LIPJ: variants seen among roughly 807,000 people sequenced by gnomAD.
LIPJ encodes lipase family member J, also known as lipase member J.
Under a neutral mutation model 39.8 loss-of-function variants are expected in LIPJ, and 33 were observed. The ratio of observed to expected loss-of-function variants is 0.83; its 90% CI spans 0.63 to 1.11. The LOEUF is 1.11. Among genes scored for constraint, LIPJ ranks in the 50% least tolerant of loss-of-function variants. LIPJ has a pLI of 0.00. For synonymous variants in LIPJ, 128 were observed against 139.2 expected (o/e 0.92, Z 0.57); for missense variants, 422 against 427.9 (o/e 0.99, Z 0.12).
chr10:88,620,676 C>A, the LIPJ span, among the ~76,000 whole-genome samples: 6 of 152,150 alleles, frequency 3.9e-5, no homozygotes, highest in African/African-American at 1.4e-4. Flanking sequence ...GCAGCTGGAG[C>A]TCTCTTACAT....
downstream of LIPJ, among the ~76,000 whole-genome samples, chr10:88,608,785 G>T (rs1851716110): frequency 6.6e-6 from 1 of 152,166 alleles, no homozygotes; most frequent in Non-Finnish European, 1.5e-5. Flanking sequence ...GGATCCTAAG[G>T]ACTTCCTAGA....
At chr10:88,583,302 G>A, upstream of LIPJ, 2 of 1,477,618 alleles carry the variant, frequency 1.4e-6, no homozygotes, top group South Asian at 1.4e-5. Flanking sequence ...CGTGCTCCCT[G>A]GGCCGACCTG....
At chr10:88,599,961 T>A (rs1344831637) in intron 8 of LIPJ, among the ~76,000 whole-genome samples, 1 of 151,992 alleles carries the variant, frequency 6.6e-6, no homozygotes, top group Non-Finnish European at 1.5e-5. Context: ...TATCTGGTAT[T>A]CTTTTTATTT....
rs546279321 is a variant in LIPJ at position 88,588,462 on chromosome 10, A to C, written c.-104+1070A>C. ...CTGCATATTGATTCATGTTAGAAAA[A>C]TGTGTAAATCATTATTATTGAATTG... is the stretch of plus-strand genomic sequence containing the variant. On this transcript the variant is annotated intron_variant, in intron 2 of 10. Transcript: ENST00000371939. Among the ~76,000 whole-genome samples, 33 of 152,010 alleles carry C rather than the reference A, an allele frequency of 2.2e-4. 1 individual carries two copies. The South Asian group carries it at 6.4e-3, about 30-fold the overall frequency.
At chr10:88,622,914 A>G in the LIPJ span, among the ~76,000 whole-genome samples, 1 of 152,184 alleles carries the variant, frequency 6.6e-6, no homozygotes, top group Non-Finnish European at 1.5e-5. Flanking sequence ...AATCCAGATG[A>G]GAGCTGATGG....
At chr10:88,612,469 T>C in the LIPJ span, among the ~76,000 whole-genome samples, 1 of 152,082 alleles carries the variant, frequency 6.6e-6, no homozygotes, top group Non-Finnish European at 1.5e-5. Context: ...ACCAAATTTC[T>C]CCTGTCTTCA....
chr10:88,596,163 T>G, intron 6 of LIPJ, 117 bp from the exon 7 acceptor site: 1 of 639,618 alleles, frequency 1.6e-6, no homozygotes, highest in East Asian at 3.5e-5. Flanking sequence ...AATTAAGAAA[T>G]AAGTTAATTG....
Position 88,594,139 on chromosome 10 carries a change from T to C in LIPJ, c.324T>C (p.Ala108=), listed in dbSNP as rs770425778. Residue 108 remains alanine, a synonymous_variant, in exon 5 of 11, where the codon GCT becomes GCC. Coordinates refer to ENST00000371939, the Ensembl canonical transcript of LIPJ. ...AAACGAGTTCCAAAGAATTCTGGGC[T>C]TTCAGGTACAAATAAAATGAAGTAA... The C allele has an allele frequency of 4.4e-6, 7 of 1,606,334 alleles. No individual in the cohort carries two copies. In the Admixed American group the frequency reaches 1.0e-4, roughly 23 times the overall value.
intron 9 of LIPJ, among the ~76,000 whole-genome samples, chr10:88,603,346 C>G (rs897911073): frequency 1.3e-5 from 2 of 152,148 alleles, no homozygotes; most frequent in African/African-American, 4.8e-5. Flanking sequence ...GCACTTTCTC[C>G]TCCGTTAAAT....
chr10:88,596,926 A>T, exon 8 of LIPJ: 2 of 1,516,644 alleles, frequency 1.3e-6, no homozygotes, highest in Non-Finnish European at 1.8e-6. Context: ...GACCCAAAAA[A>T]CTTAAATATG....
chr10:88,586,962 G>A (rs1042566369), intron 1 of LIPJ, 117 bp downstream of exon 1: 3 of 151,790 alleles, frequency 2.0e-5, no homozygotes, highest in African/African-American at 7.3e-5. Flanking sequence ...TTCTATATTT[G>A]AACTCCTTTA....
rs374231161 is a variant in LIPJ at position 88,602,308 on chromosome 10, G to T, written c.724-268G>T. ...GGTGTATGTGTATGTGTCTGTATAGGTGTGTGTCAGTCACATTTGATTGTT... is the reference window on the plus strand; with the variant it reads ...GGTGTATGTGTATGTGTCTGTATAGTTGTGTGTCAGTCACATTTGATTGTT... On this transcript the variant is annotated intron_variant, in intron 8 of 10. Coordinates refer to ENST00000371939, the Ensembl canonical transcript of LIPJ. Among the ~76,000 whole-genome samples the T allele has an allele frequency of 1.2e-4, 19 of 152,054 alleles. No individual in the cohort carries two copies. In the East Asian group the frequency reaches 3.7e-3, roughly 29 times the overall value.
At chr10:88,598,362 A>G (rs1325901109) in intron 8 of LIPJ, among the ~76,000 whole-genome samples, 5 of 152,108 alleles carry the variant, frequency 3.3e-5, no homozygotes, top group Non-Finnish European at 5.9e-5. Flanking sequence ...GAGAACTGAA[A>G]GCAAGTCATG....
At chr10:88,611,338 T>C (rs1851749069), downstream of LIPJ, among the ~76,000 whole-genome samples, 3 of 152,096 alleles carry the variant, frequency 2.0e-5, no homozygotes, top group South Asian at 6.2e-4. Flanking sequence ...ACAATTCTGG[T>C]AATATGACAA....
At chr10:88,589,472 G>A (rs1253725979) in intron 2 of LIPJ, among the ~76,000 whole-genome samples, 1 of 151,866 alleles carries the variant, frequency 6.6e-6, no homozygotes, top group African/African-American at 2.4e-5. Flanking sequence ...TGCCTTCAAT[G>A]AAAACCACAG....
chr10:88,619,295 T>C, the LIPJ span, among the ~76,000 whole-genome samples: 501 of 152,232 alleles, frequency 3.3e-3, 2 homozygotes, highest in Middle Eastern at 0.01. Flanking sequence ...TAGACTCCAT[T>C]TACTTTTCTA....
At chr10:88,582,942 G>C, upstream of LIPJ, 1 of 1,090,174 alleles carries the variant, frequency 9.2e-7, no homozygotes. Flanking sequence ...CATGGGCCGC[G>C]CTACACGGCC....
chr10:88,596,182 C>T (rs1851250144), intron 6 of LIPJ, 98 bp from the exon 7 acceptor site: 1 of 786,374 alleles, frequency 1.3e-6, no homozygotes, highest in African/African-American at 1.8e-5. Context: ...TGTTCAGAAA[C>T]TATTTTTGAA....
At chr10:88,596,905 T>A in exon 8 of LIPJ, 3 of 1,572,348 alleles carry the variant, frequency 1.9e-6, no homozygotes, top group Non-Finnish European at 2.6e-6. Context: ...TTGTTTATGA[T>A]GTTTGGATAT....
Sources: gnomAD v4.1 joint callset for allele counts (sites outside exome capture counted in the v4.1 genomes callset) on GRCh38, gnomAD v4.1.1 for gene constraint, MANE v1.5 for transcripts, NCBI Gene and HGNC (gene_info 2026-07-23, HGNC 2026-07-21) for gene names.